Variants in NUTM2G observed in about 807,000 individuals in gnomAD.
NUTM2G encodes the protein family with sequence similarity 22, member G.
Under a neutral mutation model 44.3 loss-of-function variants are expected in NUTM2G, and 29 were observed. That is an observed-to-expected ratio of 0.66 (90% CI 0.49 to 0.89). NUTM2G has a LOEUF of 0.89. Among genes scored for constraint, NUTM2G ranks in the 40% least tolerant of loss-of-function variants. NUTM2G has a pLI of 0.00. For synonymous variants in NUTM2G, 205 were observed against 395.9 expected (o/e 0.52, Z 5.72); for missense variants, 502 against 946.5 (o/e 0.53, Z 6.16).
At position 96,929,174 on chromosome 9, in the gene NUTM2G, C is replaced by T. The variant is rs1469975605; in HGVS notation, c.16+134C>T. On this transcript the variant is annotated intron_variant, in intron 1 of 6. Transcript: ENST00000372322. ...GCACTGGATGTCCCCAAGGACATCA[C>T]ACCTGGGGATGGCCATGGCACCCTG... The T allele has an allele frequency of 3.5e-6, 5 of 1,417,494 alleles. No individual in the cohort carries two copies. In the African/African-American group the frequency reaches 4.2e-5, roughly 12 times the overall value. 87.8% of individuals were successfully genotyped at this position (1,417,494 alleles called of 1,614,324 possible). A position where few individuals can be genotyped will look rare whatever the true frequency, so the allele number is the denominator to read the frequency against.
chr9:96,929,775 C>A (rs1215130111), intron 1 of NUTM2G, among the ~76,000 whole-genome samples: 2 of 152,202 alleles, frequency 1.3e-5, no homozygotes, highest in Non-Finnish European at 2.9e-5. Context: ...CACTTCCTCT[C>A]GTCAGCTAGC....
chr9:96,930,726 A>G (rs1346119204), intron 1 of NUTM2G, among the ~76,000 whole-genome samples: 1 of 149,150 alleles, frequency 6.7e-6, no homozygotes, highest in African/African-American at 2.5e-5. Context: ...ACCACTGAGC[A>G]CTGAGGAATG....
At chr9:96,934,914 G>C (rs1206890989) in intron 2 of NUTM2G, among the ~76,000 whole-genome samples, 5 of 151,798 alleles carry the variant, frequency 3.3e-5, no homozygotes, top group Admixed American at 6.6e-5. Context: ...TTGTGGCTGA[G>C]AGCAAGAGCC....
At chr9:96,933,370 CTTTT>C (rs562660832) in intron 2 of NUTM2G, among the ~76,000 whole-genome samples, 1 of 149,646 alleles carries the variant, frequency 6.7e-6, no homozygotes, top group Non-Finnish European at 1.5e-5. Flanking sequence ...GGGTTTAGGT[CTTTT>C]TTGTTTGTTT....
At chr9:96,934,235 C>A (rs1032739759) in intron 2 of NUTM2G, among the ~76,000 whole-genome samples, 2 of 152,192 alleles carry the variant, frequency 1.3e-5, no homozygotes, top group African/African-American at 4.8e-5. Flanking sequence ...CTCTCTCCAC[C>A]CCACGGCACC....
rs1168888338 is a variant in NUTM2G, at chr9:96,930,872, G to GTTT, written c.17-812_17-810dup. ...GGCTTGGGCGAGTTTCCATCCAGTG[G>GTTT]TTTTTTTTTTTTTTTTTTTTTTTTT... On this transcript the variant is annotated intron_variant, in intron 1 of 6. Coordinates refer to ENST00000372322, the MANE Select transcript of NUTM2G (RefSeq NM_001170741.3). 3.7e-4 allele frequency among the ~76,000 whole-genome samples: 27 copies of GTTT among 72,726 alleles called. 6 individuals are homozygous for GTTT. The highest frequency in any genetic ancestry group is 1.7e-3 in the South Asian group (3 of 1,792). 47.7% of individuals were successfully genotyped at this position (72,726 alleles called of 152,430 possible).
chr9:96,937,810 C>T, intron 5 of NUTM2G, 75 bp from the exon 6 acceptor site: 1 of 1,593,110 alleles, frequency 6.3e-7, no homozygotes, highest in East Asian at 2.2e-5. Context: ...CTGCTTTCTG[C>T]ATCTCCTCCG....
chr9:96,935,687 T>C (rs1477554965), intron 3 of NUTM2G, among the ~76,000 whole-genome samples: 1 of 152,190 alleles, frequency 6.6e-6, no homozygotes, highest in African/African-American at 2.4e-5. Context: ...GGCCAACCGC[T>C]GCCTTGACAC....
rs577847536 is a variant in NUTM2G, at chr9:96,938,070, C to A, written c.1440+69C>A. 2.5e-4 allele frequency: 408 copies of A among 1,603,254 alleles called. 2 individuals are homozygous for A. In the African/African-American group the frequency reaches 4.6e-3, roughly 18 times the overall value. ...GAGGGACCCGGCACACAAGGCCCAC[C>A]CGACTGTCTAAGCCCACCCTGCTGG... On this transcript the variant is annotated intron_variant, in intron 6 of 6. Coordinates refer to ENST00000372322, the MANE Select transcript of NUTM2G (RefSeq NM_001170741.3).
At chr9:96,936,597 G>A (rs1826440861) in intron 4 of NUTM2G, 33 bp downstream of exon 4, 30 of 1,545,342 alleles carry the variant, frequency 1.9e-5, no homozygotes, top group Non-Finnish European at 2.5e-5. Flanking sequence ...AGGAGCCATG[G>A]CAAAGGCCAA....
At chr9:96,940,845 C>T (rs1260058879), downstream of NUTM2G, among the ~76,000 whole-genome samples, 2 of 152,296 alleles carry the variant, frequency 1.3e-5, no homozygotes, top group Admixed American at 6.5e-5. Context: ...TGCCCCATCC[C>T]TTCTGCTGCA....
At position 96,930,872 on chromosome 9, in the gene NUTM2G, G is replaced by GTTTTTTTTTTTTTTTTTTTTTT. The variant is rs1168888338; in HGVS notation, c.17-831_17-810dup. Reference sequence around the variant, plus strand: ...GGCTTGGGCGAGTTTCCATCCAGTGGTTTTTTTTTTTTTTTTTTTTTTTTT... The same window carrying GTTTTTTTTTTTTTTTTTTTTTT: ...GGCTTGGGCGAGTTTCCATCCAGTGGTTTTTTTTTTTTTTTTTTTTTTTTTTTTTTTTTTTTTTTTTTTTTTT... On this transcript the variant is annotated intron_variant, in intron 1 of 6. Coordinates refer to ENST00000372322, the MANE Select transcript of NUTM2G (RefSeq NM_001170741.3). Among the ~76,000 whole-genome samples, 4 of 72,726 alleles carry GTTTTTTTTTTTTTTTTTTTTTT rather than the reference G, an allele frequency of 5.5e-5. 1 individual carries two copies. Among genetic ancestry groups the GTTTTTTTTTTTTTTTTTTTTTT allele is most frequent in the African/African-American group, 1.7e-4 (3 of 17,572 alleles). 47.7% of individuals were successfully genotyped at this position (72,726 alleles called of 152,430 possible).
chr9:96,932,253 A>G lies in NUTM2G; in HGVS notation c.548A>G (p.His183Arg). Residue 183 changes from histidine to arginine, a missense_variant, in exon 2 of 7, where the codon CAT becomes CGT. By Grantham distance (29) the His-to-Arg change is conservative (BLOSUM62 0). Transcript: ENST00000372322. ...GNAGPWPQGA[H>R]GEGSLAPSQA... ...GCTGGGCCATGGCCACAAGGGGCTC[A>G]TGGAGAGGGCAGCCTGGCTCCCTCC... 1 of 1,613,962 alleles carries G rather than the reference A, an allele frequency of 6.2e-7. No homozygotes were observed. The highest frequency in any genetic ancestry group is 8.5e-7 in the Non-Finnish European group (1 of 1,179,882).
At position 96,931,948 on chromosome 9, in the gene NUTM2G, C is replaced by G. The variant is rs746397213; in HGVS notation, c.243C>G (p.Val81=). ...RGPSGAGASN[V]FVQMRTEVGP... ...CAAGTGGGGCTGGGGCTTCCAACGTCTTTGTCCAGATGAGGACAGAAGTGG... is the reference window on the plus strand; with the variant it reads ...CAAGTGGGGCTGGGGCTTCCAACGTGTTTGTCCAGATGAGGACAGAAGTGG... Residue 81 remains valine, a synonymous_variant, in exon 2 of 7, where the codon GTC becomes GTG. Transcript: ENST00000372322. 2 of 1,611,978 alleles carry G rather than the reference C, an allele frequency of 1.2e-6. No individual in the cohort carries two copies. Among genetic ancestry groups the G allele is most frequent in the South Asian group, 2.2e-5 (2 of 90,998 alleles).
chr9:96,935,076 T>C (rs1018072635), intron 2 of NUTM2G, among the ~76,000 whole-genome samples: 25 of 152,190 alleles, frequency 1.6e-4, no homozygotes, highest in Non-Finnish European at 3.4e-4. Flanking sequence ...GTTCCACCCA[T>C]AGCACTGAGT....
chr9:96,937,255 G>T lies in NUTM2G; in HGVS notation c.1174G>T (p.Gly392Trp), dbSNP rs753899435. Residue 392 changes from glycine to tryptophan, a missense_variant, in exon 5 of 7, where the codon GGG (glycine) becomes TGG (tryptophan). Transcript: ENST00000372322. ...TGTGGACATCATGGAGGAGCTGCTGGGGTCTCACCCTGGGGACACAGGGGA... is the reference window on the plus strand; with the variant it reads ...TGTGGACATCATGGAGGAGCTGCTGTGGTCTCACCCTGGGGACACAGGGGA... The part of the protein sequence containing the change: ...EYVDIMEELL[G>W]SHPGDTGEPE... 1.9e-6 allele frequency: 3 copies of T among 1,613,514 alleles called. No homozygotes were observed. The highest frequency in any genetic ancestry group is 2.5e-6 in the Non-Finnish European group (3 of 1,179,838).
At chr9:96,933,106 T>C (rs1306583968) in intron 2 of NUTM2G, among the ~76,000 whole-genome samples, 7 of 150,836 alleles carry the variant, frequency 4.6e-5, no homozygotes, top group Non-Finnish European at 7.4e-5. Context: ...GGCTCCCGAG[T>C]AGCTGGGACT....
Position 96,937,368 on chromosome 9 carries a change from T to A in NUTM2G, c.1287T>A (p.Ile429=). ...MTSDPGLLSY[I]DKLCSQEDFV... ...CAGACCCGGGCCTCCTGAGCTACATTGACAAGCTGTGTTCCCAGGAAGACT... is the reference window on the plus strand; with the variant it reads ...CAGACCCGGGCCTCCTGAGCTACATAGACAAGCTGTGTTCCCAGGAAGACT... The change falls in exon 5 of 7, where the codon ATT becomes ATA. Residue 429 remains isoleucine (I), a synonymous_variant. Coordinates refer to ENST00000372322, the MANE Select transcript of NUTM2G (RefSeq NM_001170741.3). 6.2e-7 allele frequency: 1 copy of A among 1,613,836 alleles called. No homozygotes were observed. Among genetic ancestry groups the A allele is most frequent in the Non-Finnish European group, 8.5e-7 (1 of 1,179,858 alleles).
At chr9:96,936,268 G>C (rs914408644) in intron 3 of NUTM2G, among the ~76,000 whole-genome samples, 157 bp from the exon 4 acceptor site, 2 of 151,962 alleles carry the variant, frequency 1.3e-5, no homozygotes, top group African/African-American at 4.8e-5. Context: ...AGAACTCTGG[G>C]AGCAGCTCCC....
Sources: allele counts gnomAD v4.1 joint callset (sites outside exome capture counted in the v4.1 genomes callset), GRCh38; gene constraint gnomAD v4.1.1; transcripts MANE v1.5; gene names NCBI Gene and HGNC (gene_info 2026-07-23, HGNC 2026-07-21).